The following NLGN1 variants were observed in gnomAD, a reference collection of about 807,000 sequenced individuals.
NLGN1 encodes neuroligin 1, also known as neuroligin-1.
In NLGN1, 12 loss-of-function variants were observed where a neutral mutation model predicts 65.5. The ratio of observed to expected loss-of-function variants is 0.18; its 90% confidence interval spans 0.12 to 0.30. NLGN1 has a LOEUF of 0.30. Among genes scored for constraint, NLGN1 ranks in the 10% least tolerant of loss-of-function variants. NLGN1 has a pLI of 1.00. For missense variants in NLGN1, 750 were observed against 1,007.1 expected (o/e 0.74, Z 3.46); for synonymous variants, 350 against 359.5 (o/e 0.97, Z 0.30).
intron 2 of NLGN1, among the ~76,000 whole-genome samples, chr3:173,591,785 G>T (rs1748533341): frequency 2.0e-5 from 3 of 152,134 alleles, no homozygotes; most frequent in African/African-American, 7.2e-5. Context: ...TAAGCTTAAA[G>T]AATGAGTTGA....
At chr3:173,957,193 T>A (rs1055467544) in intron 4 of NLGN1, among the ~76,000 whole-genome samples, 1 of 152,146 alleles carries the variant, frequency 6.6e-6, no homozygotes, top group Non-Finnish European at 1.5e-5. Flanking sequence ...GAAAATCAAA[T>A]GTGTTTATTT....
At position 173,877,989 on chromosome 3, in the gene NLGN1, TC is replaced by T. The variant is rs199626127; in HGVS notation, c.646+70158del. Among the ~76,000 whole-genome samples, 23 of 152,256 alleles carry T rather than the reference TC, an allele frequency of 1.5e-4. No individual in the cohort carries two copies. In the East Asian group the frequency reaches 4.4e-3, roughly 29 times the overall value. ...TGGTCTTCAAATTAACTGACTTACC[TC>T]TAGGGAATACAGTTACCATAATAAT... On this transcript the variant is annotated intron_variant, in intron 4 of 6. Transcript: ENST00000457714.
chr3:174,069,382 C>A (rs1739339749), intron 4 of NLGN1, among the ~76,000 whole-genome samples: 1 of 152,016 alleles, frequency 6.6e-6, no homozygotes, highest in Non-Finnish European at 1.5e-5. Context: ...GTGCCCAGGC[C>A]TCATGAGACA....
At chr3:173,852,085 G>A (rs1484280639) in intron 4 of NLGN1, among the ~76,000 whole-genome samples, 26 of 151,826 alleles carry the variant, frequency 1.7e-4, no homozygotes, top group Admixed American at 3.3e-4. Context: ...TGGTTGGCGC[G>A]GTGGCTCACG....
chr3:174,272,515 C>G (rs1393322653), intron 4 of NLGN1, among the ~76,000 whole-genome samples: 1 of 151,570 alleles, frequency 6.6e-6, no homozygotes, highest in Non-Finnish European at 1.5e-5. Context: ...ATCTCTCTAC[C>G]AGGTCTGAAG....
chr3:173,848,407 C>A (rs929108877), intron 4 of NLGN1, among the ~76,000 whole-genome samples: 1 of 152,192 alleles, frequency 6.6e-6, no homozygotes, highest in Non-Finnish European at 1.5e-5. Flanking sequence ...TTCAGATAAA[C>A]AGACTCCCCT....
intron 4 of NLGN1, among the ~76,000 whole-genome samples, chr3:174,174,149 C>CA (rs59103236): frequency 0.17 from 26,069 of 151,966 alleles, 4,591 homozygotes; most frequent in African/African-American, 0.45. Context: ...CTGTGAATGC[C>CA]TTAATTCATT....
intron 4 of NLGN1, among the ~76,000 whole-genome samples, chr3:173,907,568 TTA>T (rs1397035261): frequency 6.6e-6 from 1 of 150,834 alleles, no homozygotes; most frequent in Non-Finnish European, 1.5e-5. Flanking sequence ...TTAGATGGCT[TTA>T]TCTCTCTCTC....
chr3:173,420,047 G>T (rs929644138), intron 1 of NLGN1, among the ~76,000 whole-genome samples: 6 of 147,774 alleles, frequency 4.1e-5, no homozygotes, highest in African/African-American at 1.5e-4. Flanking sequence ...TTTTCCATTT[G>T]CTTGATAGAT....
chr3:173,603,132 C>A (rs1324278724), intron 2 of NLGN1, among the ~76,000 whole-genome samples: 1 of 152,124 alleles, frequency 6.6e-6, no homozygotes, highest in Non-Finnish European at 1.5e-5. Context: ...ACCAACACTT[C>A]TTTAGCAATC....
chr3:174,079,655 C>A (rs1376295182), intron 4 of NLGN1, among the ~76,000 whole-genome samples: 7 of 152,214 alleles, frequency 4.6e-5, no homozygotes, highest in Non-Finnish European at 7.4e-5. Flanking sequence ...CAATGGTAGT[C>A]TGGATTTTAA....
At chr3:173,823,764 T>C (rs1720790865) in intron 4 of NLGN1, among the ~76,000 whole-genome samples, 1 of 152,012 alleles carries the variant, frequency 6.6e-6, no homozygotes, top group Admixed American at 6.6e-5. Context: ...TACACACCTG[T>C]TGGGAGAAAT....
At chr3:173,537,131 C>G (rs193222791) in intron 2 of NLGN1, among the ~76,000 whole-genome samples, 187 of 152,276 alleles carry the variant, frequency 1.2e-3, no homozygotes, top group African/African-American at 4.2e-3. Flanking sequence ...CGCCCAGAAA[C>G]ACTCTCAAAG....
intron 4 of NLGN1, among the ~76,000 whole-genome samples, chr3:173,843,346 C>T (rs1323306328): frequency 6.6e-6 from 1 of 152,206 alleles, no homozygotes; most frequent in African/African-American, 2.4e-5. Context: ...GCATTCAGCT[C>T]CTGGTTACTT....
At chr3:174,151,186 T>G (rs1378303651) in intron 4 of NLGN1, among the ~76,000 whole-genome samples, 2 of 152,142 alleles carry the variant, frequency 1.3e-5, no homozygotes, top group East Asian at 3.9e-4. Context: ...TCCTTCACTT[T>G]GAAACATTGG....
intron 3 of NLGN1, among the ~76,000 whole-genome samples, chr3:173,664,602 T>C (rs1761441385): frequency 6.6e-6 from 1 of 152,132 alleles, no homozygotes; most frequent in South Asian, 2.1e-4. Context: ...GAAGTTTCCA[T>C]TCATTGAACA....
chr3:173,707,499 TATA>T (rs1768227427), intron 3 of NLGN1, among the ~76,000 whole-genome samples: 2 of 151,906 alleles, frequency 1.3e-5, no homozygotes, highest in Admixed American at 6.6e-5. Context: ...TAAACATAAA[TATA>T]ATAATTATAT....
At chr3:173,895,379 G>T (rs746660529) in intron 4 of NLGN1, among the ~76,000 whole-genome samples, 4 of 152,168 alleles carry the variant, frequency 2.6e-5, no homozygotes, top group Non-Finnish European at 5.9e-5. Flanking sequence ...TACCAGGATT[G>T]CCCGGAAAGG....
intron 3 of NLGN1, among the ~76,000 whole-genome samples, chr3:173,800,557 G>A (rs1437579291): frequency 6.6e-6 from 1 of 150,606 alleles, no homozygotes; most frequent in Non-Finnish European, 1.5e-5. Flanking sequence ...ACATTTTGAT[G>A]CCAACCATTA....
Sources: allele counts gnomAD v4.1 joint callset (sites outside exome capture counted in the v4.1 genomes callset), GRCh38; gene constraint gnomAD v4.1.1; transcripts MANE v1.5; gene names NCBI Gene and HGNC (gene_info 2026-07-23, HGNC 2026-07-21).